The following ATG7 variants were observed in gnomAD, a reference collection of about 807,000 sequenced individuals.
The protein encoded by ATG7 is ubiquitin-like modifier-activating enzyme ATG7.
In ATG7, 70 loss-of-function variants were observed where a neutral mutation model predicts 82.4. The ratio of observed to expected loss-of-function variants is 0.85; its 90% CI spans 0.70 to 1.04. ATG7 has a LOEUF of 1.04. ATG7 is among the 50% of genes least tolerant of loss of function. The pLI, the probability that ATG7 is intolerant of heterozygous loss-of-function variation, is 0.00. For synonymous variants in ATG7, 287 were observed against 313.0 expected (o/e 0.92, Z 0.88); for missense variants, 792 against 864.3 (o/e 0.92, Z 1.05).
At chr3:11,311,036 T>G (rs1444193447) in intron 7 of ATG7, among the ~76,000 whole-genome samples, 1 of 152,200 alleles carries the variant, frequency 6.6e-6, no homozygotes, top group African/African-American at 2.4e-5. Context: ...TAGTAGAACA[T>G]GCTGACAGTT....
chr3:11,559,159 C>A (rs376161164), downstream of ATG7, among the ~76,000 whole-genome samples: 1 of 152,246 alleles, frequency 6.6e-6, no homozygotes, highest in South Asian at 2.1e-4. Context: ...CATGCCCTTC[C>A]CACCCAAGTC....
chr3:11,459,007 A>G (rs994005803), intron 20 of ATG7, among the ~76,000 whole-genome samples: 1 of 152,146 alleles, frequency 6.6e-6, no homozygotes, highest in Non-Finnish European at 1.5e-5. Context: ...GAGGTAGGAC[A>G]GTTTCATTCA....
rs563926187 is a variant in ATG7 at position 11,525,643 on chromosome 3, C to T, written c.2080-29168C>T. Among the ~76,000 whole-genome samples the T allele has an allele frequency of 2.6e-5, 4 of 151,326 alleles. No individual in the cohort carries two copies. The East Asian group carries it at 7.8e-4, about 29-fold the overall frequency. On this transcript the variant is annotated intron_variant, in intron 20 of 20. Transcript: ENST00000693202. ...GATCTCGGCTCACTGTAAGCTCTGC[C>T]TCCTGGGTTCACACCATTCTCCTGC...
intron 20 of ATG7, among the ~76,000 whole-genome samples, chr3:11,529,318 A>G (rs1559803764): frequency 1.3e-5 from 2 of 152,206 alleles, no homozygotes; most frequent in South Asian, 2.1e-4. Flanking sequence ...GGAAAAATCC[A>G]ATAACATTTA....
chr3:11,447,328 GT>G (rs1005098319), intron 20 of ATG7, among the ~76,000 whole-genome samples: 1 of 152,078 alleles, frequency 6.6e-6, no homozygotes. Context: ...TTAGCCTGGT[GT>G]GGTGGCAGGC....
At chr3:11,315,553 G>A (rs1949281494) in intron 9 of ATG7, 60 bp downstream of exon 9, 2 of 1,398,794 alleles carry the variant, frequency 1.4e-6, no homozygotes, top group Non-Finnish European at 9.5e-7. Flanking sequence ...TGAAGTTCAT[G>A]TTACAAGAGA....
intron 15 of ATG7, among the ~76,000 whole-genome samples, chr3:11,359,622 G>A (rs2076159785): frequency 6.6e-6 from 1 of 151,938 alleles, no homozygotes; most frequent in East Asian, 1.9e-4. Flanking sequence ...CTTGAGCCTG[G>A]GAGGTTGAGG....
chr3:11,334,457 C>G (rs934839442), intron 11 of ATG7, among the ~76,000 whole-genome samples: 2 of 150,580 alleles, frequency 1.3e-5, no homozygotes, highest in African/African-American at 4.9e-5. Flanking sequence ...TTGGTCAGGC[C>G]AGTCTTGAAC....
intron 9 of ATG7, among the ~76,000 whole-genome samples, chr3:11,328,997 G>A (rs1240099681): frequency 6.6e-6 from 1 of 152,186 alleles, no homozygotes; most frequent in Non-Finnish European, 1.5e-5. Context: ...GAGAGGCTGA[G>A]GCACTAGAAT....
At chr3:11,495,041 CAGCCTGGGT>C (rs1237842033) in intron 20 of ATG7, among the ~76,000 whole-genome samples, 1 of 151,958 alleles carries the variant, frequency 6.6e-6, no homozygotes, top group Non-Finnish European at 1.5e-5. Flanking sequence ...CACTGCACTC[CAGCCTGGGT>C]GACAGAGCAA....
rs1332881634 is a variant in ATG7, at chr3:11,298,710, G to A, written c.15G>A (p.Thr5=). 12 of 1,613,840 alleles carry A rather than the reference G, an allele frequency of 7.4e-6. No homozygotes were observed. The highest frequency in any genetic ancestry group is 1.7e-4 in the Middle Eastern group (1 of 6,060). Residue 5 remains threonine, a synonymous_variant, in exon 4 of 21, where the codon ACG becomes ACA. Transcript: ENST00000693202. ...GGCAAGAAATAATGGCGGCAGCTACGGGGGATCCTGGACTCTCTAAACTGC... is the reference window on the plus strand; with the variant it reads ...GGCAAGAAATAATGGCGGCAGCTACAGGGGATCCTGGACTCTCTAAACTGC... The part of the protein sequence containing the change: MAAA[T]GDPGLSKLQF...
intron 8 of ATG7, among the ~76,000 whole-genome samples, chr3:11,313,722 C>T (rs1289335333): frequency 6.6e-6 from 1 of 152,176 alleles, no homozygotes; most frequent in Non-Finnish European, 1.5e-5. Context: ...CTCATCTCAG[C>T]CTCCTGAGCA....
the ATG7 span, among the ~76,000 whole-genome samples, chr3:11,573,858 G>A: frequency 5.3e-4 from 80 of 152,164 alleles, no homozygotes; most frequent in Non-Finnish European, 8.5e-4. Context: ...GGTCTTTACC[G>A]AAGACCAAGT....
chr3:11,286,407 T>A (rs2152658115), intron 3 of ATG7, among the ~76,000 whole-genome samples: 1 of 152,302 alleles, frequency 6.6e-6, no homozygotes, highest in Non-Finnish European at 1.5e-5. Flanking sequence ...TCGTCGTATG[T>A]TCTTCATGAT....
In ATG7 at chr3:11,556,073, T is replaced by G. The variant is rs1559839556; in HGVS notation, c.*1230T>G. The G allele has an allele frequency of 6.5e-6, 1 of 152,726 alleles. No homozygotes were observed. Among genetic ancestry groups the G allele is most frequent in the Non-Finnish European group, 1.5e-5 (1 of 68,026 alleles). 9.5% of individuals were successfully genotyped at this position (152,726 alleles called of 1,614,324 possible). ...AAACTGCACACGTACACTATGTGGTTTAAGAGCACTTTATTATTGTTCTTA... is the reference window on the plus strand; with the variant it reads ...AAACTGCACACGTACACTATGTGGTGTAAGAGCACTTTATTATTGTTCTTA... On this transcript the variant is annotated 3_prime_UTR_variant, in exon 21 of 21. Transcript: ENST00000693202.
intron 20 of ATG7, among the ~76,000 whole-genome samples, chr3:11,534,252 G>A (rs563194481): frequency 1.3e-5 from 2 of 152,374 alleles, no homozygotes. Context: ...TTAGCACTGT[G>A]CCCTTCTGCC....
chr3:11,435,689 T>C (rs945775804), intron 20 of ATG7, among the ~76,000 whole-genome samples: 2 of 152,188 alleles, frequency 1.3e-5, no homozygotes, highest in Non-Finnish European at 2.9e-5. Flanking sequence ...GCAGCAGTCA[T>C]GTGAGACCTT....
intron 19 of ATG7, among the ~76,000 whole-genome samples, chr3:11,391,970 A>G (rs1012968343): frequency 7.3e-6 from 1 of 136,460 alleles, no homozygotes; most frequent in East Asian, 2.3e-4. Flanking sequence ...GGGGGGGGGT[A>G]ATTTCACTTT....
chr3:11,485,308 T>C (rs1334802990), intron 20 of ATG7, among the ~76,000 whole-genome samples: 1 of 152,168 alleles, frequency 6.6e-6, no homozygotes, highest in East Asian at 1.9e-4. Context: ...TGAGCATTTT[T>C]TCATGTGTTT....
Sources: gnomAD v4.1 joint callset for allele counts (sites outside exome capture counted in the v4.1 genomes callset) on GRCh38, gnomAD v4.1.1 for gene constraint, MANE v1.5 for transcripts, NCBI Gene and HGNC (gene_info 2026-07-23, HGNC 2026-07-21) for gene names.